MDGA2: variants seen among roughly 807,000 people sequenced by gnomAD.
MDGA2 encodes MAM domain-containing glycosylphosphatidylinositol anchor protein 2.
Under a neutral mutation model 117.8 loss-of-function variants are expected in MDGA2, and 40 were observed. The ratio of observed to expected loss-of-function variants is 0.34; its 90% confidence interval spans 0.26 to 0.44. MDGA2 has a LOEUF of 0.44. MDGA2 is among the 20% of genes least tolerant of loss of function. The pLI is 1.00. For synonymous variants in MDGA2, 452 were observed against 439.0 expected, an observed-to-expected ratio of 1.03 and a Z score of -0.37; for missense variants, 1,123 against 1,250.6, an observed-to-expected ratio of 0.90 and a Z score of 1.54.
intron 3 of MDGA2, among the ~76,000 whole-genome samples, chr14:47,185,280 T>C (rs1269266542): frequency 6.6e-6 from 1 of 151,392 alleles, no homozygotes; most frequent in Non-Finnish European, 1.5e-5. Context: ...TACTTTATAA[T>C]ACAGAATAAT....
In MDGA2 at chr14:47,371,203, A is replaced by G. The variant is rs1438527770; in HGVS notation, c.281-69653T>C. On this transcript the variant is annotated intron_variant, in intron 1 of 16. Coordinates refer to ENST00000399232, the MANE Select transcript of MDGA2 (RefSeq NM_001113498.3). ...ATTTTGTTATAGGAAGTTTTGTTGA[A>G]GACAGTTTATTATTAAGCAACAATT... 4.6e-5 allele frequency among the ~76,000 whole-genome samples: 7 copies of G among 151,982 alleles called. No homozygotes were observed. In the South Asian group the frequency reaches 8.3e-4, roughly 18 times the overall value.
At chr14:47,315,850 A>T (rs553925954) in intron 1 of MDGA2, among the ~76,000 whole-genome samples, 1 of 152,166 alleles carries the variant, frequency 6.6e-6, no homozygotes, top group South Asian at 2.1e-4. Flanking sequence ...AAAAAAAGCA[A>T]TGTTATTCTT....
intron 1 of MDGA2, among the ~76,000 whole-genome samples, chr14:47,324,371 G>T (rs1463511180): frequency 6.6e-6 from 1 of 152,168 alleles, no homozygotes; most frequent in Non-Finnish European, 1.5e-5. Flanking sequence ...AAATGCACCA[G>T]AATCACTGGA....
At chr14:47,646,924 G>A (rs1473728321) in intron 1 of MDGA2, among the ~76,000 whole-genome samples, 5 of 152,004 alleles carry the variant, frequency 3.3e-5, no homozygotes, top group African/African-American at 1.2e-4. Context: ...CTTCCCTTGG[G>A]CCAAGTTTCA....
intron 1 of MDGA2, among the ~76,000 whole-genome samples, chr14:47,630,062 T>A (rs1897224650): frequency 6.6e-6 from 1 of 151,448 alleles, no homozygotes; most frequent in African/African-American, 2.4e-5. Context: ...GATTTAGATA[T>A]AAGGCAGTAC....
chr14:47,149,736 C>T (rs1276639018), intron 3 of MDGA2, among the ~76,000 whole-genome samples: 1 of 152,180 alleles, frequency 6.6e-6, no homozygotes, highest in Admixed American at 6.5e-5. Flanking sequence ...GTGTATAACA[C>T]TATTTCCTGC....
At chr14:47,281,507 T>A (rs1198704226) in intron 2 of MDGA2, among the ~76,000 whole-genome samples, 1 of 152,184 alleles carries the variant, frequency 6.6e-6, no homozygotes, top group East Asian at 1.9e-4. Flanking sequence ...GCACTGTTAG[T>A]GCTTAGTGCT....
At chr14:47,508,377 C>CTCTG (rs1566490666) in intron 1 of MDGA2, among the ~76,000 whole-genome samples, 1 of 150,302 alleles carries the variant, frequency 6.7e-6, no homozygotes, top group Non-Finnish European at 1.5e-5. Context: ...CTCTCTCTCT[C>CTCTG]TCTCTGTATA....
At chr14:47,452,987 T>C (rs1893272695) in intron 1 of MDGA2, among the ~76,000 whole-genome samples, 1 of 152,094 alleles carries the variant, frequency 6.6e-6, no homozygotes, top group Admixed American at 6.6e-5. Context: ...GGGAAATATA[T>C]AGTTTTATTA....
chr14:46,891,571 T>C (rs1882885414), intron 10 of MDGA2, among the ~76,000 whole-genome samples: 1 of 151,040 alleles, frequency 6.6e-6, no homozygotes, highest in Non-Finnish European at 1.5e-5. Flanking sequence ...GGAATTATAA[T>C]CGTGATTAAG....
At position 47,271,052 on chromosome 14, in the gene MDGA2, T is replaced by C. The variant is rs369356270; in HGVS notation, c.420+30359A>G. Among the ~76,000 whole-genome samples, 50 of 152,262 alleles carry C rather than the reference T, an allele frequency of 3.3e-4. No individual in the cohort carries two copies. In the East Asian group the frequency reaches 8.7e-3, roughly 27 times the overall value. On this transcript the variant is annotated intron_variant, in intron 2 of 16. Coordinates refer to ENST00000399232, the MANE Select transcript of MDGA2 (RefSeq NM_001113498.3). ...TGTGTAGGATTACTAACTTTAGTCT[T>C]GAATGCATATGCTCTGCAGTAGAAA...
chr14:47,297,973 T>C (rs923345335), intron 2 of MDGA2, among the ~76,000 whole-genome samples: 1 of 152,156 alleles, frequency 6.6e-6, no homozygotes, highest in Non-Finnish European at 1.5e-5. Flanking sequence ...CAAGAATGTA[T>C]AGTTGTATTT....
intron 8 of MDGA2, among the ~76,000 whole-genome samples, chr14:47,031,346 C>T (rs567646380): frequency 6.6e-5 from 10 of 151,858 alleles, no homozygotes; most frequent in East Asian, 1.9e-4. Context: ...TTTAATTGGA[C>T]GCAAGTAAAA....
At chr14:47,567,806 C>T (rs962376974) in intron 1 of MDGA2, among the ~76,000 whole-genome samples, 1 of 152,138 alleles carries the variant, frequency 6.6e-6, no homozygotes, top group African/African-American at 2.4e-5. Flanking sequence ...TAACATTCAC[C>T]TCATCAACAA....
intron 8 of MDGA2, among the ~76,000 whole-genome samples, chr14:46,988,984 A>G (rs539328934): frequency 1.3e-5 from 2 of 152,162 alleles, no homozygotes; most frequent in South Asian, 4.1e-4. Flanking sequence ...AAGAAAGCAT[A>G]TCCATGGCAT....
intron 3 of MDGA2, among the ~76,000 whole-genome samples, chr14:47,214,499 A>T (rs973089884): frequency 1.3e-5 from 2 of 152,178 alleles, no homozygotes; most frequent in Non-Finnish European, 2.9e-5. Flanking sequence ...TAGTAAAAAA[A>T]TGCATGTGGT....
At chr14:47,175,621 A>G (rs1250859561) in intron 3 of MDGA2, among the ~76,000 whole-genome samples, 1 of 152,066 alleles carries the variant, frequency 6.6e-6, no homozygotes, top group African/African-American at 2.4e-5. Flanking sequence ...AAAAACTCTC[A>G]ATAAATTACA....
chr14:47,255,766 G>T (rs931573308), intron 2 of MDGA2, among the ~76,000 whole-genome samples: 6 of 151,964 alleles, frequency 3.9e-5, no homozygotes, highest in African/African-American at 1.5e-4. Flanking sequence ...CCTACCCAAT[G>T]CAGTTCTAAC....
intron 1 of MDGA2, among the ~76,000 whole-genome samples, chr14:47,383,235 T>C (rs1272150275): frequency 6.6e-6 from 1 of 152,000 alleles, no homozygotes; most frequent in Non-Finnish European, 1.5e-5. Context: ...TTAGGAGATA[T>C]ATCTAATGTA....
Sources: allele counts gnomAD v4.1 joint callset (sites outside exome capture counted in the v4.1 genomes callset), GRCh38; gene constraint gnomAD v4.1.1; transcripts MANE v1.5; gene names NCBI Gene and HGNC (gene_info 2026-07-23, HGNC 2026-07-21).